Variants in RALGAPA2 observed in about 807,000 individuals in gnomAD.
The protein encoded by RALGAPA2 is Ral GTPase activating protein catalytic subunit alpha 2, also known as ral GTPase-activating protein subunit alpha-2.
RALGAPA2 carries 139 observed loss-of-function variants against 230.4 expected under a neutral mutation model. The observed-to-expected ratio is 0.60, with a 90% confidence interval of 0.53 to 0.69. RALGAPA2 has a LOEUF of 0.69. Among genes scored for constraint, RALGAPA2 ranks in the 30% least tolerant of loss-of-function variants. RALGAPA2 has a pLI of 0.00. For missense variants in RALGAPA2, 2,163 were observed against 2,276.0 expected, an observed-to-expected ratio of 0.95 and a Z score of 1.01; for synonymous variants, 847 against 837.8, an observed-to-expected ratio of 1.01 and a Z score of -0.19.
intron 34 of RALGAPA2, among the ~76,000 whole-genome samples, chr20:20,503,831 T>C (rs537153291): frequency 6.6e-6 from 1 of 152,300 alleles, no homozygotes; most frequent in African/African-American, 2.4e-5. Flanking sequence ...AGGTTCCCTA[T>C]TGATGGATTT....
Position 20,437,448 on chromosome 20 carries a change from G to A in RALGAPA2, c.5496-25300C>T, listed in dbSNP as rs138764763. On this transcript the variant is annotated intron_variant, in intron 37 of 39. Transcript: ENST00000202677. This position sits in a 1 kb window ranked among gnomAD's most constrained non-coding sequence, Gnocchi z 4.1. ...CCAGCAGCAGGAGGCTTTCAGGGAT[G>A]GTGCCGTCCTCCGTTCAGCCTTCAG... Among the ~76,000 whole-genome samples, 584 of 152,300 alleles carry A rather than the reference G, an allele frequency of 3.8e-3. 5 individuals carry two copies. The highest frequency in any genetic ancestry group is 0.014 in the African/African-American group (572 of 41,566).
chr20:20,407,613 A>G (rs1490358478), intron 38 of RALGAPA2, among the ~76,000 whole-genome samples: 4 of 152,250 alleles, frequency 2.6e-5, no homozygotes, highest in Non-Finnish European at 4.4e-5. Flanking sequence ...AATGTGTAAC[A>G]TAAGTGCCTC....
At chr20:20,439,444 C>G (rs1435262847) in intron 37 of RALGAPA2, among the ~76,000 whole-genome samples, 2 of 152,136 alleles carry the variant, frequency 1.3e-5, no homozygotes, top group African/African-American at 4.8e-5. Flanking sequence ...AACTCCAGAG[C>G]TTAAGCGATC....
At chr20:20,611,210 A>C in intron 14 of RALGAPA2, 105 bp downstream of exon 14, 1 of 1,368,266 alleles carries the variant, frequency 7.3e-7, no homozygotes, top group Non-Finnish European at 9.5e-7. Context: ...ATTTCTAGAA[A>C]TTTAAATTTA....
At chr20:20,585,572 C>T (rs541982158) in intron 18 of RALGAPA2, among the ~76,000 whole-genome samples, 97 of 152,252 alleles carry the variant, frequency 6.4e-4, no homozygotes, top group African/African-American at 2.3e-3. Context: ...AAATAAACTG[C>T]CTCTGAAGGG....
chr20:20,550,195 G>A lies in RALGAPA2; in HGVS notation c.3157-3363C>T, dbSNP rs148285467. Among the ~76,000 whole-genome samples, 445 of 152,116 alleles carry A rather than the reference G, an allele frequency of 2.9e-3. 2 individuals carry two copies. Among genetic ancestry groups the A allele is most frequent in the African/African-American group, 9.8e-3 (405 of 41,484 alleles). ...CACTGTATTATTCTTATGCCTCTGCGTACTCAGAACTTAGCTCCCACTTAT... is the reference window on the plus strand; with the variant it reads ...CACTGTATTATTCTTATGCCTCTGCATACTCAGAACTTAGCTCCCACTTAT... On this transcript the variant is annotated intron_variant, in intron 23 of 39. Coordinates refer to ENST00000202677, the MANE Select transcript of RALGAPA2 (RefSeq NM_020343.4).
intron 31 of RALGAPA2, among the ~76,000 whole-genome samples, chr20:20,516,861 C>T (rs1229372837): frequency 6.6e-6 from 1 of 152,156 alleles, no homozygotes; most frequent in African/African-American, 2.4e-5. Context: ...AAGGGAACAC[C>T]CCATGGGACA....
chr20:20,529,300 G>A (rs1398819106), intron 27 of RALGAPA2, among the ~76,000 whole-genome samples: 1 of 152,168 alleles, frequency 6.6e-6, no homozygotes, highest in African/African-American at 2.4e-5. Context: ...GGATTCAACA[G>A]GACAATCTCC....
rs16982037 is a variant in RALGAPA2, at chr20:20,614,567, T to C, written c.1688+1476A>G. Among the ~76,000 whole-genome samples, 1,097 of 152,358 alleles carry C rather than the reference T, an allele frequency of 7.2e-3. 10 individuals are homozygous for C. The highest frequency in any genetic ancestry group is 0.025 in the African/African-American group (1,053 of 41,580). ...GTAATATTTCCAGTTTTAACAATTG[T>C]TTAACTTGGCAAATAGTGCTAAGTT... On this transcript the variant is annotated intron_variant, in intron 13 of 39. Coordinates refer to ENST00000202677, the MANE Select transcript of RALGAPA2 (RefSeq NM_020343.4).
chr20:20,573,107 C>A, intron 20 of RALGAPA2, 39 bp from the exon 21 acceptor site: 1 of 1,453,192 alleles, frequency 6.9e-7, no homozygotes, highest in African/African-American at 1.4e-5. Context: ...TGTAAACAAT[C>A]TTGATTTCAT....
intron 1 of RALGAPA2, among the ~76,000 whole-genome samples, chr20:20,701,948 G>A (rs2069390014): frequency 6.6e-6 from 1 of 151,444 alleles, no homozygotes; most frequent in Non-Finnish European, 1.5e-5. Context: ...GCTGAGGCAG[G>A]AGAATCGCTT....
chr20:20,406,460 C>T (rs966563793), intron 38 of RALGAPA2, among the ~76,000 whole-genome samples: 1 of 152,134 alleles, frequency 6.6e-6, no homozygotes, highest in African/African-American at 2.4e-5. Flanking sequence ...GGGCTGTGTC[C>T]AGAAGGGATT....
In RALGAPA2 at chr20:20,512,875, G is replaced by C; in HGVS notation, c.4494C>G (p.Ser1498Arg). 6.2e-7 allele frequency: 1 copy of C among 1,613,814 alleles called. No homozygotes were observed. The highest frequency in any genetic ancestry group is 8.5e-7 in the Non-Finnish European group (1 of 1,179,698). ...GAGGTCCAAATGTGTCACGATGCCA[G>C]CTCGAAATCAGAAATGAAGGATTTC... ...NGRNPSFLIS[S>R]WHRDTFGPQK... Residue 1498 changes from serine to arginine, a missense_variant, in exon 32 of 40, where the codon AGC becomes AGG. Coordinates refer to ENST00000202677, the MANE Select transcript of RALGAPA2 (RefSeq NM_020343.4).
chr20:20,559,213 C>A (rs1397456608), intron 23 of RALGAPA2, among the ~76,000 whole-genome samples: 2 of 152,004 alleles, frequency 1.3e-5, no homozygotes, highest in African/African-American at 2.4e-5. Flanking sequence ...TTGTGTTCTG[C>A]AAAAAAACAG....
At chr20:20,653,415 C>T in intron 4 of RALGAPA2, 115 bp downstream of exon 4, 1 of 659,636 alleles carries the variant, frequency 1.5e-6, no homozygotes, top group South Asian at 1.7e-5. Flanking sequence ...TAATACCATA[C>T]CCTTATTAAT....
intron 38 of RALGAPA2, among the ~76,000 whole-genome samples, chr20:20,408,770 T>C (rs1289164190): frequency 1.2e-5 from 1 of 83,302 alleles, no homozygotes; most frequent in Admixed American, 1.2e-4. Context: ...TGTATATAAA[T>C]GTATTTATAC....
At chr20:20,544,873 G>T (rs1328886768) in intron 24 of RALGAPA2, among the ~76,000 whole-genome samples, 1 of 152,020 alleles carries the variant, frequency 6.6e-6, no homozygotes, top group East Asian at 1.9e-4. Flanking sequence ...CCTGTCAGGG[G>T]GTGGGGGGCA....
intron 14 of RALGAPA2, among the ~76,000 whole-genome samples, chr20:20,608,235 T>C (rs1354735524): frequency 6.6e-6 from 1 of 152,176 alleles, no homozygotes; most frequent in Non-Finnish European, 1.5e-5. Context: ...AACCAACCAC[T>C]TCCTACTTCA....
intron 7 of RALGAPA2, among the ~76,000 whole-genome samples, chr20:20,638,756 A>G (rs1172590935): frequency 6.6e-6 from 1 of 152,196 alleles, no homozygotes; most frequent in Non-Finnish European, 1.5e-5. Flanking sequence ...ATATGAAAGC[A>G]TGCCCCAGTC....
Sources: allele counts gnomAD v4.1 joint callset (sites outside exome capture counted in the v4.1 genomes callset), GRCh38; gene constraint gnomAD v4.1.1; non-coding constraint Gnocchi (gnomAD v3.1); transcripts MANE v1.5; gene names NCBI Gene and HGNC (gene_info 2026-07-23, HGNC 2026-07-21).